The following DPY19L2 variants were observed in gnomAD, a reference collection of about 807,000 sequenced individuals.
The protein encoded by DPY19L2 is dpy-19 like 2, also known as probable C-mannosyltransferase DPY19L2.
Under a neutral mutation model 97.9 loss-of-function variants are expected in DPY19L2, and 34 were observed. The observed-to-expected ratio is 0.35, with a 90% confidence interval of 0.26 to 0.46. The LOEUF is 0.46. Ranked by LOEUF, DPY19L2 falls within the 20% of genes least tolerant of loss-of-function variation. DPY19L2 has a pLI of 1.00. For synonymous variants in DPY19L2, 230 were observed against 307.9 expected (o/e 0.75, Z 2.65); for missense variants, 623 against 911.4 (o/e 0.68, Z 4.07).
At chr12:63,620,037 C>T (rs914785791) in intron 9 of DPY19L2, 38 of 447,420 alleles carry the variant, frequency 8.5e-5, no homozygotes, top group African/African-American at 6.7e-4. Flanking sequence ...TCTTTGTAGG[C>T]TATTGGCAGC....
chr12:63,628,289 C>A (rs972292607), intron 6 of DPY19L2, among the ~76,000 whole-genome samples: 1 of 152,196 alleles, frequency 6.6e-6, no homozygotes, highest in East Asian at 1.9e-4. Flanking sequence ...CCAGGAAGCG[C>A]AAGGGGTCAG....
At chr12:63,639,175 C>G (rs1308274478) in intron 6 of DPY19L2, among the ~76,000 whole-genome samples, 3 of 152,150 alleles carry the variant, frequency 2.0e-5, no homozygotes, top group African/African-American at 7.2e-5. Context: ...AACTGAATCC[C>G]TTTCTTACAC....
chr12:63,607,162 A>G (rs1365696929), intron 12 of DPY19L2, among the ~76,000 whole-genome samples: 6 of 152,074 alleles, frequency 3.9e-5, no homozygotes, highest in Non-Finnish European at 8.8e-5. Flanking sequence ...CCAGTCTATT[A>G]CTGAAAATGT....
intron 16 of DPY19L2, among the ~76,000 whole-genome samples, chr12:63,587,554 A>T (rs533414790): frequency 1.4e-4 from 16 of 111,354 alleles, no homozygotes; most frequent in African/African-American, 4.5e-4. Context: ...AGACATTTTT[A>T]AAAATTATTA....
intron 12 of DPY19L2, among the ~76,000 whole-genome samples, chr12:63,605,787 T>C (rs1315033170): frequency 1.3e-5 from 2 of 152,308 alleles, no homozygotes; most frequent in Middle Eastern, 3.4e-3. Flanking sequence ...GGAACTGATA[T>C]TTGTGTATAA....
chr12:63,599,923 T>C (rs2659966), intron 13 of DPY19L2, among the ~76,000 whole-genome samples: 1 of 152,264 alleles, frequency 6.6e-6, no homozygotes, highest in Non-Finnish European at 1.5e-5. Flanking sequence ...TAAAACAATA[T>C]TGAGATTTTA....
At chr12:63,585,051 ACT>A (rs1178649226) in intron 16 of DPY19L2, among the ~76,000 whole-genome samples, 1 of 151,936 alleles carries the variant, frequency 6.6e-6, no homozygotes, top group Non-Finnish European at 1.5e-5. Context: ...CACGTGTGTT[ACT>A]CTCTGCAGTT....
chr12:63,624,393 C>G (rs1032580776), intron 7 of DPY19L2, among the ~76,000 whole-genome samples: 2 of 151,966 alleles, frequency 1.3e-5, no homozygotes, highest in Non-Finnish European at 2.9e-5. Flanking sequence ...CAAGATTGTA[C>G]GTATAAGAGT....
At chr12:63,623,675 CT>C (rs1889065968) in intron 8 of DPY19L2, 1 of 158,308 alleles carries the variant, frequency 6.3e-6, no homozygotes, top group African/African-American at 2.4e-5. Flanking sequence ...GTAATTACAA[CT>C]TCATAGATTG....
At chr12:63,589,139 T>A (rs373607532) in intron 16 of DPY19L2, among the ~76,000 whole-genome samples, 2 of 151,964 alleles carry the variant, frequency 1.3e-5, no homozygotes, top group Non-Finnish European at 2.9e-5. Context: ...TTCTTCACTT[T>A]AGAGTCAGAA....
Position 63,560,007 on chromosome 12 carries a change from A to G in DPY19L2, c.*505T>C, listed in dbSNP as rs1876179405. On this transcript the variant is annotated 3_prime_UTR_variant, in exon 22 of 22. Transcript: ENST00000324472. Reference sequence around the variant, plus strand: ...GATCTTTCTTAAGGGCTGGTAAAATAAAAACACCTTAAAAGACACACTGTT... The same window carrying G: ...GATCTTTCTTAAGGGCTGGTAAAATGAAAACACCTTAAAAGACACACTGTT... 1 of 152,404 alleles carries G rather than the reference A, an allele frequency of 6.6e-6. No homozygotes were observed. The highest frequency in any genetic ancestry group is 2.1e-4 in the South Asian group (1 of 4,852). The allele number at this position is 152,404 out of a possible 1,614,324, so 9.4% of individuals were successfully genotyped here. A position where few individuals can be genotyped will look rare whatever the true frequency, so the allele number is the denominator to read the frequency against.
chr12:63,651,679 T>G (rs1164913308), intron 4 of DPY19L2: 2 of 453,976 alleles, frequency 4.4e-6, no homozygotes, highest in South Asian at 1.9e-5. Flanking sequence ...GAGTCCCTGA[T>G]AGCTGTTTTC....
chr12:63,585,493 A>G (rs1035708672), intron 16 of DPY19L2, among the ~76,000 whole-genome samples: 1 of 152,070 alleles, frequency 6.6e-6, no homozygotes, highest in Non-Finnish European at 1.5e-5. Context: ...GTAGAGACCA[A>G]ATTATTCTGT....
intron 5 of DPY19L2, among the ~76,000 whole-genome samples, chr12:63,646,631 C>T (rs1043763988): frequency 7.2e-5 from 11 of 152,158 alleles, no homozygotes; most frequent in Admixed American, 3.3e-4. Flanking sequence ...TCTCAAGGGA[C>T]GGCACCATAC....
At chr12:63,659,904 T>C (rs1895451986) in intron 4 of DPY19L2, among the ~76,000 whole-genome samples, 1 of 152,148 alleles carries the variant, frequency 6.6e-6, no homozygotes, top group African/African-American at 2.4e-5. Context: ...GATTTATATA[T>C]GTTGTTGACA....
rs1156392586 is a variant in DPY19L2, at chr12:63,659,997, C to T, written c.588+1347G>A. Among the ~76,000 whole-genome samples the T allele has an allele frequency of 2.6e-5, 4 of 152,032 alleles. No individual in the cohort carries two copies. In the East Asian group the frequency reaches 7.7e-4, roughly 29 times the overall value. ...GGAAGTACAAATTAAAACAAAAAAG[C>T]ATATCACAGCCATCGTAAGAGTAAA... On this transcript the variant is annotated intron_variant, in intron 4 of 21. Coordinates refer to ENST00000324472, the MANE Select transcript of DPY19L2 (RefSeq NM_173812.5).
At chr12:63,602,489 A>G (rs1200902162) in intron 12 of DPY19L2, among the ~76,000 whole-genome samples, 1 of 152,176 alleles carries the variant, frequency 6.6e-6, no homozygotes, top group Non-Finnish European at 1.5e-5. Context: ...TAGTGTTTAA[A>G]TTATAATCCA....
intron 12 of DPY19L2, among the ~76,000 whole-genome samples, chr12:63,601,898 T>C (rs1310825908): frequency 1.3e-5 from 2 of 152,128 alleles, no homozygotes; most frequent in African/African-American, 2.4e-5. Flanking sequence ...AAGTTATTCA[T>C]TGAAAAAAAT....
intron 4 of DPY19L2, among the ~76,000 whole-genome samples, chr12:63,660,501 C>T (rs1357904839): frequency 6.6e-6 from 1 of 151,758 alleles, no homozygotes; most frequent in Non-Finnish European, 1.5e-5. Flanking sequence ...ATAAGTTGGA[C>T]TAGAAGCAGA....
Sources: gnomAD v4.1 joint callset for allele counts (sites outside exome capture counted in the v4.1 genomes callset) on GRCh38, gnomAD v4.1.1 for gene constraint, MANE v1.5 for transcripts, NCBI Gene and HGNC (gene_info 2026-07-23, HGNC 2026-07-21) for gene names.